NRXN2: variants seen among roughly 807,000 people sequenced by gnomAD.
NRXN2 encodes the protein neurexin-2-beta.
In NRXN2, 29 loss-of-function variants were observed where a neutral mutation model predicts 128.8. The observed-to-expected ratio is 0.23, with a 90% confidence interval of 0.17 to 0.31. The LOEUF (loss-of-function observed/expected upper bound fraction) is 0.31, where lower values mean the gene tolerates loss of function less well. Ranked by LOEUF, NRXN2 falls within the 10% of genes least tolerant of loss-of-function variation. The probability of loss-of-function intolerance (pLI) is 1.00; values close to 1 mark genes in which losing one functional copy is unlikely to be tolerated. For missense variants in NRXN2, 1,881 were observed against 2,452.6 expected (o/e 0.77, Z 4.92); for synonymous variants, 1,098 against 1,075.2 (o/e 1.02, Z -0.41).
At chr11:64,693,549 G>C (rs1416800233) in intron 3 of NRXN2, among the ~76,000 whole-genome samples, 5 of 152,144 alleles carry the variant, frequency 3.3e-5, no homozygotes, top group Non-Finnish European at 7.4e-5. Flanking sequence ...GGGATATAAA[G>C]AACCTGGGCC....
At chr11:64,629,074 T>C (rs2043491065) in intron 19 of NRXN2, among the ~76,000 whole-genome samples, 1 of 152,212 alleles carries the variant, frequency 6.6e-6, no homozygotes, top group African/African-American at 2.4e-5. Context: ...CATAAGCCTG[T>C]ACTGGCATCT....
chr11:64,707,343 C>T (rs1428233621), intron 2 of NRXN2, among the ~76,000 whole-genome samples: 1 of 150,156 alleles, frequency 6.7e-6, no homozygotes, highest in African/African-American at 2.5e-5. Context: ...GGCAAGATCA[C>T]GCCACTGTAC....
chr11:64,706,277 C>G (rs1439879727), intron 2 of NRXN2, among the ~76,000 whole-genome samples: 1 of 141,576 alleles, frequency 7.1e-6, no homozygotes, highest in Non-Finnish European at 1.5e-5. Context: ...ACCCAAATAA[C>G]TCGTCACTTA....
At chr11:64,699,166 T>C (rs1431062157) in intron 2 of NRXN2, among the ~76,000 whole-genome samples, 1 of 152,126 alleles carries the variant, frequency 6.6e-6, no homozygotes. Context: ...TCCACGCACA[T>C]ACACAGGCTG....
At chr11:64,652,954 C>A (rs1207306749) in intron 12 of NRXN2, among the ~76,000 whole-genome samples, 1 of 151,824 alleles carries the variant, frequency 6.6e-6, no homozygotes, top group Non-Finnish European at 1.5e-5. Flanking sequence ...CCAGCACGCA[C>A]ACAGCATGCC....
Position 64,630,722 on chromosome 11 carries a change from G to C in NRXN2, c.3586-149C>G. ...ACCGCTGGAGGAGGTGGGCAGGCTC[G>C]CTCCCCTTCCCCACATGCAAGGGAG... On this transcript the variant is annotated intron_variant, in intron 18 of 22. Coordinates refer to ENST00000265459, the MANE Select transcript of NRXN2 (RefSeq NM_015080.4). The surrounding 1 kb of genome is among the most constrained non-coding windows in gnomAD (Gnocchi z 4.6). The C allele has an allele frequency of 1.1e-6, 1 of 888,898 alleles. No individual in the cohort carries two copies. Among genetic ancestry groups the C allele is most frequent in the South Asian group, 1.5e-5 (1 of 66,862 alleles). 55.1% of individuals were successfully genotyped at this position (888,898 alleles called of 1,614,324 possible). A position where few individuals can be genotyped will look rare whatever the true frequency, so the allele number is the denominator to read the frequency against.
At chr11:64,641,461 G>A (rs2045655484) in intron 17 of NRXN2, among the ~76,000 whole-genome samples, 1 of 152,062 alleles carries the variant, frequency 6.6e-6, no homozygotes, top group South Asian at 2.1e-4. Flanking sequence ...GCTGACATGA[G>A]ATGAAATAAA....
In NRXN2 at chr11:64,667,164, G is replaced by T; in HGVS notation, c.1798+86C>A. 1 of 1,354,576 alleles carries T rather than the reference G, an allele frequency of 7.4e-7. No homozygotes were observed. Among genetic ancestry groups the T allele is most frequent in the Non-Finnish European group, 1.0e-6 (1 of 957,212 alleles). The allele number at this position is 1,354,576 out of a possible 1,614,324, so 83.9% of individuals were successfully genotyped here. On this transcript the variant is annotated intron_variant, in intron 9 of 22. Transcript: ENST00000265459. The surrounding 1 kb of genome is among the most constrained non-coding windows in gnomAD (Gnocchi z 5.6). ...AGAATATAGGAAATGGTGTAGAAGAGACCCGCTGAAGAGAGACGGAGAGGA... is the reference window on the plus strand; with the variant it reads ...AGAATATAGGAAATGGTGTAGAAGATACCCGCTGAAGAGAGACGGAGAGGA...
In NRXN2 at chr11:64,622,776, TG is replaced by T; in HGVS notation, c.4149del (p.Thr1384HisfsTer2). On this transcript the variant is annotated frameshift_variant, in exon 21 of 23. Coordinates refer to ENST00000265459, the MANE Select transcript of NRXN2 (RefSeq NM_015080.4). LOFTEE classifies it high-confidence loss of function. The surrounding 1 kb of genome is among the most constrained non-coding windows in gnomAD (Gnocchi z 4.3). The part of the protein sequence containing the change: ...ATTTTRRGRS[P>X]TLRDSTTQNT... Reference sequence around the variant, plus strand: ...ACCTGGGTGGTGCTGTCCCTCAGTGTGGGGGAGCGGCCCCGGCGCGTGGTGG... The same window carrying T: ...ACCTGGGTGGTGCTGTCCCTCAGTGTGGGGAGCGGCCCCGGCGCGTGGTGG... 1 of 1,610,612 alleles carries T rather than the reference TG, an allele frequency of 6.2e-7. No homozygotes were observed.
At chr11:64,674,896 T>C (rs1468710006) in intron 7 of NRXN2, among the ~76,000 whole-genome samples, 7 of 152,242 alleles carry the variant, frequency 4.6e-5, no homozygotes, top group Non-Finnish European at 2.9e-5. Context: ...GCAATGCAGG[T>C]ATACTACCAC....
chr11:64,620,304 C>T lies in NRXN2; in HGVS notation c.4242G>A (p.Glu1414=), dbSNP rs1413729782. The T allele has an allele frequency of 6.4e-7, 1 of 1,552,710 alleles. No individual in the cohort carries two copies. Among genetic ancestry groups the T allele is most frequent in the Non-Finnish European group, 8.7e-7 (1 of 1,147,610 alleles). ...PSDDEDLEEC[E]PSTGGELILP... ...GGGAAAGGCACTCACCAGTACTGGGCTCACACTCCTCCAGGTCCTCATCAT... is the reference window on the plus strand; with the variant it reads ...GGGAAAGGCACTCACCAGTACTGGGTTCACACTCCTCCAGGTCCTCATCAT... Residue 1414 remains glutamate (E), a synonymous_variant, in exon 22 of 23, where the codon GAG becomes GAA. Coordinates refer to ENST00000265459, the MANE Select transcript of NRXN2 (RefSeq NM_015080.4).
intron 11 of NRXN2, among the ~76,000 whole-genome samples, chr11:64,657,782 C>T (rs1197061769): frequency 1.3e-5 from 2 of 152,150 alleles, no homozygotes; most frequent in Admixed American, 6.5e-5. Flanking sequence ...AATCTGTAGA[C>T]GGATGCATTT....
chr11:64,608,294 G>A (rs927622956), intron 22 of NRXN2, among the ~76,000 whole-genome samples: 2 of 152,152 alleles, frequency 1.3e-5, no homozygotes, highest in African/African-American at 2.4e-5. Context: ...CCCCACGCAC[G>A]GGCTCTGTGA....
At chr11:64,640,512 G>A (rs2045503565) in intron 17 of NRXN2, among the ~76,000 whole-genome samples, 1 of 152,130 alleles carries the variant, frequency 6.6e-6, no homozygotes, top group South Asian at 2.1e-4. Flanking sequence ...GGAGCCAGAA[G>A]GAGACAATGA....
chr11:64,625,261 C>A (rs569069036), intron 20 of NRXN2, among the ~76,000 whole-genome samples: 1 of 152,324 alleles, frequency 6.6e-6, no homozygotes, highest in Non-Finnish European at 1.5e-5. Context: ...CTTGGCCTCT[C>A]TGATTCTGGA....
chr11:64,690,414 G>C lies in NRXN2; in HGVS notation c.841C>G (p.Pro281Ala), dbSNP rs1592138902. The part of the protein sequence containing the change: ...GRGGAGDVHQ[P>A]TKGKEEFVAT... ...CATGGGGGTCACTGACCTTTTGTTG[G>C]CTGGTGCACATCGCCGGCTCCTCCT... is the stretch of plus-strand genomic sequence containing the variant. The change falls in exon 5 of 23, where the codon CCA becomes GCA. Residue 281 changes from proline (P) to alanine (A), a missense_variant. By Grantham distance (27) the Pro-to-Ala change is conservative. Transcript: ENST00000265459. The C allele has an allele frequency of 6.2e-7, 1 of 1,612,910 alleles. No homozygotes were observed. The highest frequency in any genetic ancestry group is 2.2e-5 in the East Asian group (1 of 44,856).
chr11:64,660,429 C>T lies in NRXN2; in HGVS notation c.2292G>A (p.Arg764=). Residue 764 remains arginine (R), a synonymous_variant, in exon 11 of 23, where the codon CGG becomes CGA. Transcript: ENST00000265459. This position sits in a 1 kb window ranked among gnomAD's most constrained non-coding sequence, Gnocchi z 5.2. ...TGGTGGCCATCATGAGTCCGTAGGC[C>T]CGCTGGGACATGAAACGCAGGGACA... ...EDVSLRFMSQ[R]AYGLMMATTS... 1 of 1,614,142 alleles carries T rather than the reference C, an allele frequency of 6.2e-7. No individual in the cohort carries two copies. The highest frequency in any genetic ancestry group is 1.3e-5 in the African/African-American group (1 of 75,012).
Position 64,651,138 on chromosome 11 carries a change from C to T in NRXN2, c.2918+117G>A. 1 of 1,433,232 alleles carries T rather than the reference C, an allele frequency of 7.0e-7. No individual in the cohort carries two copies. The highest frequency in any genetic ancestry group is 2.3e-5 in the East Asian group (1 of 43,954). 88.8% of individuals were successfully genotyped at this position (1,433,232 alleles called of 1,614,324 possible). ...TCGACTTACGGTCGGGGACCTGAATCTTGACTTGTGATCTGGGGGGATTGG... is the reference window on the plus strand; with the variant it reads ...TCGACTTACGGTCGGGGACCTGAATTTTGACTTGTGATCTGGGGGGATTGG... On this transcript the variant is annotated intron_variant, in intron 14 of 22. Transcript: ENST00000265459. This position sits in a 1 kb window ranked among gnomAD's most constrained non-coding sequence, Gnocchi z 5.9.
Position 64,607,071 on chromosome 11 carries a change from C to T in NRXN2, c.*125G>A. The T allele has an allele frequency of 1.9e-6, 2 of 1,059,164 alleles. No individual in the cohort carries two copies. Among genetic ancestry groups the T allele is most frequent in the South Asian group, 3.3e-5 (2 of 61,502 alleles). 65.6% of individuals were successfully genotyped at this position (1,059,164 alleles called of 1,614,324 possible). ...TTCCTTTTCTTTTTTTGCGTTTCCTCTTCGTAAGAGAAGCCTGAGGCAGCC... is the reference window on the plus strand; with the variant it reads ...TTCCTTTTCTTTTTTTGCGTTTCCTTTTCGTAAGAGAAGCCTGAGGCAGCC... On this transcript the variant is annotated 3_prime_UTR_variant, in exon 23 of 23. Coordinates refer to ENST00000265459, the MANE Select transcript of NRXN2 (RefSeq NM_015080.4).
Sources: allele counts gnomAD v4.1 joint callset (sites outside exome capture counted in the v4.1 genomes callset), GRCh38; gene constraint gnomAD v4.1.1; non-coding constraint Gnocchi (gnomAD v3.1); transcripts MANE v1.5; gene names NCBI Gene and HGNC (gene_info 2026-07-23, HGNC 2026-07-21).